FBXO25: variants seen among roughly 807,000 people sequenced by gnomAD.
FBXO25 encodes the protein F-box protein 25, also known as F-box only protein 25.
In FBXO25, 45 loss-of-function variants were observed where a neutral mutation model predicts 51.9. The ratio of observed to expected loss-of-function variants is 0.87; its 90% CI spans 0.68 to 1.11. The LOEUF is 1.11. Ranked by LOEUF, FBXO25 falls within the 50% of genes most tolerant of loss-of-function variation. The pLI is 0.00. For missense variants in FBXO25, 507 were observed against 428.5 expected (o/e 1.18, Z -1.62); for synonymous variants, 199 against 151.0 (o/e 1.32, Z -2.33).
intron 3 of FBXO25, among the ~76,000 whole-genome samples, chr8:431,767 A>G (rs1309091251): frequency 6.6e-6 from 1 of 152,230 alleles, no homozygotes; most frequent in Non-Finnish European, 1.5e-5. Context: ...TTTTGAAGTC[A>G]CTGAAGATTC....
intron 5 of FBXO25, among the ~76,000 whole-genome samples, chr8:445,698 A>G (rs1203082851): frequency 6.6e-6 from 1 of 152,180 alleles, no homozygotes; most frequent in Non-Finnish European, 1.5e-5. Flanking sequence ...CTAAAAATAC[A>G]GAACTTAGCC....
At chr8:442,652 TAG>T (rs1231180339) in intron 5 of FBXO25, among the ~76,000 whole-genome samples, 3 of 151,688 alleles carry the variant, frequency 2.0e-5, no homozygotes, top group Non-Finnish European at 2.9e-5. Flanking sequence ...GTAATTTTAG[TAG>T]AGAGGGGGTT....
chr8:445,486 G>A (rs1195650153), intron 5 of FBXO25, among the ~76,000 whole-genome samples: 5 of 152,188 alleles, frequency 3.3e-5, no homozygotes, highest in Admixed American at 6.5e-5. Flanking sequence ...TTTTGGTCAT[G>A]TGAGTTATAT....
At chr8:419,791 GAAAA>G (rs149435364) in intron 2 of FBXO25, among the ~76,000 whole-genome samples, 1 of 151,584 alleles carries the variant, frequency 6.6e-6, no homozygotes, top group Non-Finnish European at 1.5e-5. Flanking sequence ...TTCCATAAAA[GAAAA>G]AAAATCTATA....
intron 2 of FBXO25, among the ~76,000 whole-genome samples, chr8:418,662 G>T (rs1796964174): frequency 6.6e-6 from 1 of 152,078 alleles, no homozygotes; most frequent in South Asian, 2.1e-4. Flanking sequence ...AAGTAAGAGA[G>T]CTCTTTCAAA....
chr8:424,864 T>G (rs1391159370), intron 2 of FBXO25, among the ~76,000 whole-genome samples: 2 of 152,202 alleles, frequency 1.3e-5, no homozygotes, highest in Admixed American at 6.5e-5. Context: ...TCATTCCATA[T>G]GAATTTTAGG....
At chr8:437,486 C>T (rs909726922) in intron 5 of FBXO25, among the ~76,000 whole-genome samples, 2 of 152,256 alleles carry the variant, frequency 1.3e-5, no homozygotes, top group Non-Finnish European at 1.5e-5. Context: ...GGAATCCCAC[C>T]TTCCCTCTCC....
chr8:457,177 G>T (rs976990397), intron 7 of FBXO25, among the ~76,000 whole-genome samples: 1 of 152,204 alleles, frequency 6.6e-6, no homozygotes, highest in African/African-American at 2.4e-5. Flanking sequence ...CCAGACTGGG[G>T]TCAGGAGCTG....
chr8:461,759 A>AT (rs1799827198), intron 8 of FBXO25, among the ~76,000 whole-genome samples: 1 of 152,122 alleles, frequency 6.6e-6, no homozygotes, highest in Non-Finnish European at 1.5e-5. Context: ...AATCTATGGC[A>AT]TTTCTCATCT....
chr8:416,103 C>T (rs1435933051), intron 2 of FBXO25, among the ~76,000 whole-genome samples: 1 of 152,212 alleles, frequency 6.6e-6, no homozygotes, highest in Non-Finnish European at 1.5e-5. Context: ...TTCACTTGCT[C>T]ACTCATTTAT....
Position 469,111 on chromosome 8 carries a change from CT to C in FBXO25, c.*310del, listed in dbSNP as rs1235110494. 1 of 273,534 alleles carries C rather than the reference CT, an allele frequency of 3.7e-6. No homozygotes were observed. Among genetic ancestry groups the C allele is most frequent in the Non-Finnish European group, 6.7e-6 (1 of 148,230 alleles). 16.9% of individuals were successfully genotyped at this position (273,534 alleles called of 1,614,324 possible). On this transcript the variant is annotated 3_prime_UTR_variant, in exon 10 of 10. Transcript: ENST00000350302. The stretch of plus-strand genomic sequence containing the variant: ...TACTTTAGGTGGTCAGCTCCACATT[CT>C]TTGTTGACGTGACACTAACGGCCAA...
chr8:455,077 G>A (rs897784083), intron 7 of FBXO25, among the ~76,000 whole-genome samples: 2 of 152,100 alleles, frequency 1.3e-5, no homozygotes, highest in Non-Finnish European at 2.9e-5. Flanking sequence ...ATTCCCAGAA[G>A]TTGCAGAATT....
rs1167056965 is a variant in FBXO25, at chr8:469,097, G to A, written c.*293G>A. The A allele has an allele frequency of 1.0e-5, 3 of 293,982 alleles. No individual in the cohort carries two copies. Among genetic ancestry groups the A allele is most frequent in the Non-Finnish European group, 1.9e-5 (3 of 160,956 alleles). 18.2% of individuals were successfully genotyped at this position (293,982 alleles called of 1,614,324 possible). On this transcript the variant is annotated 3_prime_UTR_variant, in exon 10 of 10. Transcript: ENST00000350302. ...ATATAGTTCAAAAATACTTTAGGTGGTCAGCTCCACATTCTTTGTTGACGT... is the reference window on the plus strand; with the variant it reads ...ATATAGTTCAAAAATACTTTAGGTGATCAGCTCCACATTCTTTGTTGACGT...
chr8:463,409 C>T (rs889045154), intron 9 of FBXO25, among the ~76,000 whole-genome samples: 1 of 152,078 alleles, frequency 6.6e-6, no homozygotes. Context: ...AGGCGGATTG[C>T]AGCCAGTGAC....
At chr8:459,686 G>A (rs1456976142) in intron 8 of FBXO25, among the ~76,000 whole-genome samples, 1 of 152,212 alleles carries the variant, frequency 6.6e-6, no homozygotes, top group Non-Finnish European at 1.5e-5. Context: ...CCTGAACATG[G>A]GCCTCACGGA....
intron 2 of FBXO25, among the ~76,000 whole-genome samples, chr8:421,647 T>A (rs947649024): frequency 6.6e-6 from 1 of 152,162 alleles, no homozygotes; most frequent in Non-Finnish European, 1.5e-5. Flanking sequence ...ATGTGTGAGT[T>A]AGTATAACAC....
At chr8:433,735 G>T (rs191197329) in intron 4 of FBXO25, among the ~76,000 whole-genome samples, 1 of 152,150 alleles carries the variant, frequency 6.6e-6, no homozygotes, top group East Asian at 1.9e-4. Context: ...ACTGTCTATC[G>T]TATGTTATTT....
chr8:421,504 A>AT (rs1394729548), intron 2 of FBXO25, among the ~76,000 whole-genome samples: 8 of 152,228 alleles, frequency 5.3e-5, no homozygotes, highest in African/African-American at 1.9e-4. Flanking sequence ...AAAACTGTAC[A>AT]TATTCTAGGA....
chr8:416,353 T>G (rs1444088488), intron 2 of FBXO25, among the ~76,000 whole-genome samples: 1 of 152,246 alleles, frequency 6.6e-6, no homozygotes, highest in East Asian at 1.9e-4. Context: ...CCATCAGACT[T>G]TTTCTCAGAA....
Sources: gnomAD v4.1 joint callset for allele counts (sites outside exome capture counted in the v4.1 genomes callset) on GRCh38, gnomAD v4.1.1 for gene constraint, MANE v1.5 for transcripts, NCBI Gene and HGNC (gene_info 2026-07-23, HGNC 2026-07-21) for gene names.